Variants in GPC5 observed in about 807,000 individuals in gnomAD.
The protein encoded by GPC5 is glypican 5, also known as glypican-5.
A neutral mutation model predicts 53.9 loss-of-function variants in GPC5; 47 were observed. The observed-to-expected ratio is 0.87, with a 90% CI of 0.69 to 1.11. The LOEUF (loss-of-function observed/expected upper bound fraction) is 1.11, where lower values mean the gene tolerates loss of function less well. Among genes scored for constraint, GPC5 ranks in the 50% most tolerant of loss-of-function variants. The pLI, the probability that GPC5 is intolerant of heterozygous loss-of-function variation, is 0.00. For synonymous variants in GPC5, 286 were observed against 263.3 expected, an observed-to-expected ratio of 1.09 and a Z score of -0.84; for missense variants, 748 against 713.1, an observed-to-expected ratio of 1.05 and a Z score of -0.56.
chr13:92,631,182 G>T (rs1356528170), intron 7 of GPC5, among the ~76,000 whole-genome samples: 6 of 151,884 alleles, frequency 4.0e-5, no homozygotes, highest in African/African-American at 1.5e-4. Context: ...ATGAGAAAAT[G>T]CTTGTCAATG....
chr13:91,534,260 G>A (rs1886479264), intron 2 of GPC5, among the ~76,000 whole-genome samples: 1 of 152,084 alleles, frequency 6.6e-6, no homozygotes, highest in African/African-American at 2.4e-5. Context: ...GAAACCCTAT[G>A]TGTTACCCAT....
At position 92,481,256 on chromosome 13, in the gene GPC5, A is replaced by G. The variant is rs564899933; in HGVS notation, c.1561+336267A>G. Among the ~76,000 whole-genome samples, 451 of 152,050 alleles carry G rather than the reference A, an allele frequency of 3.0e-3. 2 individuals are homozygous for G. The highest frequency in any genetic ancestry group is 9.9e-3 in the African/African-American group (411 of 41,456). ...GCTGGGACTACAGGTGCCCACCACC[A>G]TGCCCAGCTAATGTTTTGTATTTTT... On this transcript the variant is annotated intron_variant, in intron 7 of 7. Coordinates refer to ENST00000377067, the MANE Select transcript of GPC5 (RefSeq NM_004466.6).
At chr13:92,752,009 T>A (rs1889417354) in intron 7 of GPC5, among the ~76,000 whole-genome samples, 1 of 152,000 alleles carries the variant, frequency 6.6e-6, no homozygotes, top group East Asian at 1.9e-4. Context: ...TATAATAGTA[T>A]CTGTTTTAAT....
At chr13:92,806,295 G>A (rs1460440382) in intron 7 of GPC5, among the ~76,000 whole-genome samples, 1 of 152,008 alleles carries the variant, frequency 6.6e-6, no homozygotes, top group Admixed American at 6.6e-5. Flanking sequence ...GAATTTAAAA[G>A]CATTAAGGCC....
At chr13:91,816,282 G>A (rs1035288174) in intron 5 of GPC5, among the ~76,000 whole-genome samples, 17 of 152,088 alleles carry the variant, frequency 1.1e-4, no homozygotes, top group African/African-American at 3.6e-4. Context: ...GATACTCAAG[G>A]TGGGCATTGG....
intron 3 of GPC5, among the ~76,000 whole-genome samples, chr13:91,719,279 A>ACCC (rs1424423967): frequency 6.6e-6 from 1 of 152,218 alleles, no homozygotes; most frequent in East Asian, 1.9e-4. Flanking sequence ...GCCTCCACAG[A>ACCC]TGTGCAAGCT....
At chr13:92,330,821 G>C (rs2043283136) in intron 7 of GPC5, among the ~76,000 whole-genome samples, 1 of 152,078 alleles carries the variant, frequency 6.6e-6, no homozygotes, top group Non-Finnish European at 1.5e-5. Flanking sequence ...CCATGGTGGA[G>C]CCGAGGTCAA....
intron 7 of GPC5, among the ~76,000 whole-genome samples, chr13:92,268,920 G>A (rs984930715): frequency 5.3e-5 from 8 of 151,674 alleles, no homozygotes; most frequent in East Asian, 1.9e-4. Flanking sequence ...TTTTATATAC[G>A]TTTTTATTAA....
At chr13:92,513,597 C>T (rs1351186923) in intron 7 of GPC5, among the ~76,000 whole-genome samples, 1 of 149,498 alleles carries the variant, frequency 6.7e-6, no homozygotes, top group Non-Finnish European at 1.5e-5. Flanking sequence ...TTCCTTTCGA[C>T]TTCAGGCTAA....
At chr13:92,024,375 G>T (rs936791622) in intron 6 of GPC5, among the ~76,000 whole-genome samples, 2 of 152,130 alleles carry the variant, frequency 1.3e-5, no homozygotes, top group Non-Finnish European at 2.9e-5. Flanking sequence ...TGGAAATACA[G>T]TTATTCATGG....
intron 7 of GPC5, among the ~76,000 whole-genome samples, chr13:92,653,661 G>T (rs1309620960): frequency 6.6e-6 from 1 of 152,156 alleles, no homozygotes; most frequent in Non-Finnish European, 1.5e-5. Flanking sequence ...TATTTCCATG[G>T]TCTAAAGGAG....
At chr13:92,618,036 G>T (rs1884754426) in intron 7 of GPC5, among the ~76,000 whole-genome samples, 1 of 152,058 alleles carries the variant, frequency 6.6e-6, no homozygotes, top group African/African-American at 2.4e-5. Context: ...CTCTTTCTAT[G>T]GTAATTGCCA....
chr13:92,383,951 G>A (rs2043771064), intron 7 of GPC5, among the ~76,000 whole-genome samples: 1 of 152,122 alleles, frequency 6.6e-6, no homozygotes, highest in Admixed American at 6.6e-5. Flanking sequence ...AAAGTGCTAA[G>A]TACTCATCAG....
At chr13:92,536,860 A>G (rs926562840) in intron 7 of GPC5, among the ~76,000 whole-genome samples, 7 of 152,124 alleles carry the variant, frequency 4.6e-5, no homozygotes, top group African/African-American at 1.7e-4. Flanking sequence ...AATATATCAA[A>G]TTTTAATCTT....
intron 6 of GPC5, among the ~76,000 whole-genome samples, chr13:92,143,282 AATAACAAATG>A (rs1376135926): frequency 1.3e-5 from 2 of 152,148 alleles, no homozygotes; most frequent in Non-Finnish European, 2.9e-5. Flanking sequence ...GATATTTCAC[AATAACAAATG>A]ATAACTGGTG....
rs1358274202 is a variant in GPC5 at position 92,525,517 on chromosome 13, C to T, written c.1562-340765C>T. Among the ~76,000 whole-genome samples, 3 of 144,868 alleles carry T rather than the reference C, an allele frequency of 2.1e-5. No individual in the cohort carries two copies. In the South Asian group the frequency reaches 6.6e-4, roughly 32 times the overall value. On this transcript the variant is annotated intron_variant, in intron 7 of 7. Coordinates refer to ENST00000377067, the MANE Select transcript of GPC5 (RefSeq NM_004466.6). ...AAAGCTTAGAAGATACTTTGGGTGA[C>T]AGTAATAAGTATATGAGAAGAAACT...
chr13:92,080,422 C>T (rs1487628999), intron 6 of GPC5, among the ~76,000 whole-genome samples: 4 of 152,168 alleles, frequency 2.6e-5, no homozygotes, highest in African/African-American at 4.8e-5. Flanking sequence ...TTCTCACACT[C>T]GAACTACCAC....
At chr13:92,391,553 G>A (rs191353372) in intron 7 of GPC5, among the ~76,000 whole-genome samples, 1 of 152,072 alleles carries the variant, frequency 6.6e-6, no homozygotes, top group African/African-American at 2.4e-5. Context: ...AAGTATAATG[G>A]AATATTCCAA....
At chr13:92,498,027 C>T (rs1048742839) in intron 7 of GPC5, among the ~76,000 whole-genome samples, 2 of 152,174 alleles carry the variant, frequency 1.3e-5, no homozygotes, top group East Asian at 3.9e-4. Flanking sequence ...AAAATCATGT[C>T]ATCTGCAAAC....
Sources: allele counts gnomAD v4.1 joint callset (sites outside exome capture counted in the v4.1 genomes callset), GRCh38; gene constraint gnomAD v4.1.1; transcripts MANE v1.5; gene names NCBI Gene and HGNC (gene_info 2026-07-23, HGNC 2026-07-21).